SLC2A9: variants seen among roughly 807,000 people sequenced by gnomAD.
SLC2A9 encodes the protein solute carrier family 2 member 9.
Under a neutral mutation model 50.6 loss-of-function variants are expected in SLC2A9, and 39 were observed. That is an observed-to-expected ratio of 0.77 (90% confidence interval 0.60 to 1.01). The LOEUF (loss-of-function observed/expected upper bound fraction) is 1.01, where lower values mean the gene tolerates loss of function less well. Ranked by LOEUF, SLC2A9 falls within the 50% of genes least tolerant of loss-of-function variation. SLC2A9 has a pLI of 0.00. For synonymous variants in SLC2A9, 324 were observed against 276.9 expected, an observed-to-expected ratio of 1.17 and a Z score of -1.69; for missense variants, 686 against 677.6, an observed-to-expected ratio of 1.01 and a Z score of -0.14.
At chr4:9,893,871 AT>A (rs1325179025) in intron 8 of SLC2A9, among the ~76,000 whole-genome samples, 2 of 152,226 alleles carry the variant, frequency 1.3e-5, no homozygotes, top group Non-Finnish European at 2.9e-5. Flanking sequence ...CAGTGTAACA[AT>A]GCAACACATG....
intron 2 of SLC2A9, among the ~76,000 whole-genome samples, chr4:10,017,010 C>A (rs1356897995): frequency 1.3e-5 from 2 of 152,176 alleles, no homozygotes; most frequent in African/African-American, 4.8e-5. Flanking sequence ...CATGTGGGCA[C>A]AGCCAGGCCT....
intron 5 of SLC2A9, among the ~76,000 whole-genome samples, chr4:9,961,453 A>T (rs1235087448): frequency 6.6e-6 from 1 of 152,246 alleles, no homozygotes; most frequent in Non-Finnish European, 1.5e-5. Context: ...AGCAATGGGG[A>T]AAGGATTCTG....
At chr4:9,785,416 C>A (rs142383780) in intron 3 of SLC2A9, among the ~76,000 whole-genome samples, 4 of 152,382 alleles carry the variant, frequency 2.6e-5, no homozygotes, top group Non-Finnish European at 5.9e-5. Flanking sequence ...TTTCCCAATG[C>A]TGTTCACCTC....
downstream of SLC2A9, among the ~76,000 whole-genome samples, chr4:9,822,593 T>C (rs771512447): frequency 1.7e-4 from 26 of 152,214 alleles, no homozygotes; most frequent in Admixed American, 6.5e-5. Context: ...AGTGGGCTTC[T>C]TGCACATAGC....
intron 5 of SLC2A9, among the ~76,000 whole-genome samples, chr4:9,977,779 T>C (rs921740557): frequency 6.6e-6 from 1 of 152,124 alleles, no homozygotes; most frequent in East Asian, 1.9e-4. Flanking sequence ...CCTATTTTCC[T>C]ATTACCTGTG....
intron 1 of SLC2A9, 182 bp from the exon 2 acceptor site, chr4:10,019,255 GT>G (rs1763195250): frequency 1.6e-6 from 1 of 606,078 alleles, no homozygotes; most frequent in Non-Finnish European, 2.9e-6. Flanking sequence ...TCCAGTCCAG[GT>G]CCGCGTGCGC....
downstream of SLC2A9, among the ~76,000 whole-genome samples, chr4:9,777,389 T>G (rs1042541467): frequency 2.2e-4 from 34 of 151,988 alleles, no homozygotes; most frequent in Non-Finnish European, 4.9e-4. Flanking sequence ...TTGATATACT[T>G]TATCATCTTC....
chr4:9,880,045 A>G, intron 10 of SLC2A9: 15 of 985,370 alleles, frequency 1.5e-5, no homozygotes, highest in Non-Finnish European at 1.7e-5. Flanking sequence ...TTAATCATGG[A>G]GAGCAGGCCC....
chr4:10,025,961 C>T (rs1163352602), upstream of SLC2A9: 3 of 1,613,986 alleles, frequency 1.9e-6, no homozygotes, highest in South Asian at 2.2e-5. Context: ...TTTTACTGAG[C>T]TTCATGGTTC....
intron 1 of SLC2A9, among the ~76,000 whole-genome samples, chr4:10,038,390 C>T (rs1363358714): frequency 6.7e-6 from 1 of 149,606 alleles, no homozygotes; most frequent in East Asian, 2.0e-4. Context: ...ACCTGTAATC[C>T]AAGCTACTAG....
intron 2 of SLC2A9, among the ~76,000 whole-genome samples, chr4:10,014,187 A>G (rs1440329671): frequency 6.6e-6 from 1 of 151,638 alleles, no homozygotes; most frequent in Non-Finnish European, 1.5e-5. Flanking sequence ...TGCCTCACTC[A>G]CCCGTTTCTA....
intron 7 of SLC2A9, among the ~76,000 whole-genome samples, chr4:9,909,990 C>A (rs1000452956): frequency 1.3e-5 from 2 of 152,122 alleles, no homozygotes; most frequent in Non-Finnish European, 2.9e-5. Flanking sequence ...ATGTTTTTAG[C>A]AAAAATTATT....
chr4:9,891,966 G>A (rs1179086798), intron 8 of SLC2A9, among the ~76,000 whole-genome samples: 1 of 152,170 alleles, frequency 6.6e-6, no homozygotes, highest in Admixed American at 6.5e-5. Context: ...GCACTGAGAC[G>A]AACAGTTGCA....
chr4:9,775,854 C>G (rs1186552654), downstream of SLC2A9, among the ~76,000 whole-genome samples: 1 of 152,170 alleles, frequency 6.6e-6, no homozygotes, highest in African/African-American at 2.4e-5. Flanking sequence ...GCCTAATACA[C>G]CATCTTTGGA....
At chr4:9,994,564 C>CTTTT (rs35574155) in intron 3 of SLC2A9, among the ~76,000 whole-genome samples, 14 of 131,822 alleles carry the variant, frequency 1.1e-4, no homozygotes, top group Non-Finnish European at 1.6e-4. Context: ...TTTCCTTTTC[C>CTTTT]TTTTTTTTTT....
At chr4:9,823,435 T>C (rs1724682537), downstream of SLC2A9, among the ~76,000 whole-genome samples, 2 of 152,182 alleles carry the variant, frequency 1.3e-5, no homozygotes, top group African/African-American at 4.8e-5. Context: ...AAACAACTTT[T>C]TTTTGTGTCA....
At chr4:9,973,985 A>G (rs2109029025) in intron 5 of SLC2A9, among the ~76,000 whole-genome samples, 1 of 152,332 alleles carries the variant, frequency 6.6e-6, no homozygotes. Flanking sequence ...ATGATCAAGT[A>G]GGCTTCCTTC....
At chr4:9,993,805 T>C (rs1290920860) in intron 3 of SLC2A9, among the ~76,000 whole-genome samples, 2 of 152,204 alleles carry the variant, frequency 1.3e-5, no homozygotes, top group Non-Finnish European at 2.9e-5. Context: ...TGCATCTGTG[T>C]GAGGCCCAGG....
intron 11 of SLC2A9, among the ~76,000 whole-genome samples, chr4:9,829,471 C>CAAAAAA (rs33935471): frequency 1.5e-4 from 21 of 135,920 alleles, no homozygotes; most frequent in African/African-American, 5.5e-4. Context: ...ACAAAAATGT[C>CAAAAAA]AAAAAAAAAA....
Sources: allele counts gnomAD v4.1 joint callset (sites outside exome capture counted in the v4.1 genomes callset), GRCh38; gene constraint gnomAD v4.1.1; transcripts MANE v1.5; gene names NCBI Gene and HGNC (gene_info 2026-07-23, HGNC 2026-07-21).